BSN: variants seen among roughly 807,000 people sequenced by gnomAD.
BSN encodes the protein protein bassoon.
A neutral mutation model predicts 264.8 loss-of-function variants in BSN; 57 were observed. The observed-to-expected ratio is 0.22, with a 90% confidence interval of 0.17 to 0.27. The LOEUF is 0.27. Ranked by LOEUF, BSN falls within the 10% of genes least tolerant of loss-of-function variation. The probability of loss-of-function intolerance (pLI) is 1.00; values close to 1 mark genes in which losing one functional copy is unlikely to be tolerated. For missense variants in BSN, 4,615 were observed against 5,232.5 expected, an observed-to-expected ratio of 0.88 and a Z score of 3.64; for synonymous variants, 2,059 against 2,137.3, an observed-to-expected ratio of 0.96 and a Z score of 1.01.
At chr3:49,573,656 G>GTTTTTTTTTTTTTTTTTTTTTT (rs765415502) in intron 1 of BSN, among the ~76,000 whole-genome samples, 2 of 144,024 alleles carry the variant, frequency 1.4e-5, no homozygotes, top group African/African-American at 2.6e-5. Context: ...CTTTCTCTCT[G>GTTTTTTTTTTTTTTTTTTTTTT]GTTTTTTTTT....
At position 49,585,461 on chromosome 3, in the gene BSN, G is replaced by C. The variant is rs1023407386; in HGVS notation, c.224+30635G>C. Among the ~76,000 whole-genome samples, 2 of 152,134 alleles carry C rather than the reference G, an allele frequency of 1.3e-5. No individual in the cohort carries two copies. The highest frequency in any genetic ancestry group is 2.4e-5 in the African/African-American group (1 of 41,414). On this transcript the variant is annotated intron_variant, in intron 1 of 11. Transcript: ENST00000296452. This position sits in a 1 kb window ranked among gnomAD's most constrained non-coding sequence, Gnocchi z 4.7. ...AGCGGACAGACAGGGATTGGGTTTC[G>C]TGTGCCTGCCACACCAGGCAGGCTC...
chr3:49,662,356 A>C lies in BSN; in HGVS notation c.10511A>C (p.Glu3504Ala). 6.2e-7 allele frequency: 1 copy of C among 1,613,420 alleles called. No homozygotes were observed. Among genetic ancestry groups the C allele is most frequent in the Non-Finnish European group, 8.5e-7 (1 of 1,179,716 alleles). The change falls in exon 6 of 12, where the codon GAG (glutamate) becomes GCG (alanine). Residue 3504 changes from glutamate (E) to alanine (A), a missense_variant. Transcript: ENST00000296452. ...RPPMRSQASEEESPVSPLGRP... is the reference protein window; with the variant it reads ...RPPMRSQASEAESPVSPLGRP... ...CCCATGCGGAGCCAGGCCTCTGAAG[A>C]GGAGAGCCCCGTCAGTCCTTTGGGG...
Position 49,654,371 on chromosome 3 carries a change from G to T in BSN, c.4815G>T (p.Leu1605=), listed in dbSNP as rs778338410. ...CAACACCTCCGAGTGTGTCTCAGCT[G>T]CCCCCAGAGCCACCTGGGCCACCTG... ...SQTTPPSVSQ[L]PPEPPGPPGF... is the part of the protein sequence containing the mutation. The change falls in exon 5 of 12, where the codon CTG becomes CTT. Residue 1605 remains leucine, a synonymous_variant. Coordinates refer to ENST00000296452, the MANE Select transcript of BSN (RefSeq NM_003458.4). This position sits in a 1 kb window ranked among gnomAD's most constrained non-coding sequence, Gnocchi z 4.1. 1.2e-5 allele frequency: 19 copies of T among 1,609,186 alleles called. No individual in the cohort carries two copies. In the East Asian group the frequency reaches 3.8e-4, roughly 32 times the overall value.
intron 1 of BSN, among the ~76,000 whole-genome samples, chr3:49,591,258 T>C (rs186750701): frequency 6.6e-6 from 1 of 152,314 alleles, no homozygotes. Context: ...GTCAAACATA[T>C]TACACTTCTA....
chr3:49,639,042 C>G (rs1251038168), intron 2 of BSN, among the ~76,000 whole-genome samples: 3 of 152,132 alleles, frequency 2.0e-5, no homozygotes, highest in Non-Finnish European at 4.4e-5. Context: ...ATGGCCTGCT[C>G]TGGGGAACTC....
intron 1 of BSN, among the ~76,000 whole-genome samples, chr3:49,559,518 T>C (rs2051698181): frequency 6.6e-6 from 1 of 152,242 alleles, no homozygotes; most frequent in Admixed American, 6.5e-5. Flanking sequence ...GATAATGATC[T>C]CTTCTTAAAC....
intron 1 of BSN, among the ~76,000 whole-genome samples, chr3:49,575,837 C>T (rs1185882237): frequency 1.3e-5 from 2 of 151,640 alleles, no homozygotes; most frequent in Non-Finnish European, 2.9e-5. Flanking sequence ...CTTTTCTGGG[C>T]ATATTTCTAG....
At chr3:49,605,826 AATAG>A (rs1466288661) in intron 1 of BSN, among the ~76,000 whole-genome samples, 13 of 84,158 alleles carry the variant, frequency 1.5e-4, no homozygotes, top group Admixed American at 2.3e-4. Context: ...ATTTTGTATA[AATAG>A]ATATAAATAT....
intron 1 of BSN, among the ~76,000 whole-genome samples, chr3:49,555,846 CT>C (rs1399591734): frequency 1.8e-4 from 27 of 152,346 alleles, no homozygotes; most frequent in African/African-American, 6.0e-4. Context: ...GTTGCCCTGG[CT>C]TTTCTGTGTG....
At chr3:49,603,951 G>A (rs2052091479) in intron 1 of BSN, among the ~76,000 whole-genome samples, 1 of 152,016 alleles carries the variant, frequency 6.6e-6, no homozygotes, top group South Asian at 2.1e-4. Flanking sequence ...ATCCTTTTGT[G>A]CCTGGCTTCT....
intron 1 of BSN, among the ~76,000 whole-genome samples, chr3:49,606,657 T>C (rs1406171699): frequency 3.3e-5 from 5 of 151,946 alleles, no homozygotes; most frequent in Non-Finnish European, 7.4e-5. Flanking sequence ...CTGGCCACCA[T>C]TGGAGCCCTG....
rs1433510721 is a variant in BSN at position 49,669,684 on chromosome 3, TGTG to T, written c.*2203_*2205del. The T allele has an allele frequency of 1.3e-5, 2 of 152,260 alleles. No individual in the cohort carries two copies. Among genetic ancestry groups the T allele is most frequent in the African/African-American group, 2.4e-5 (1 of 41,456 alleles). The allele number at this position is 152,260 out of a possible 1,614,324, so 9.4% of individuals were successfully genotyped here. ...CAGGAAGAGCTGGGCCTTTGGCACTTGTGGTGAGAACAGTTGACAGTGGTCATC... is the reference window on the plus strand; with the variant it reads ...CAGGAAGAGCTGGGCCTTTGGCACTTGTGAGAACAGTTGACAGTGGTCATC... On this transcript the variant is annotated 3_prime_UTR_variant, in exon 12 of 12. Transcript: ENST00000296452.
downstream of BSN, among the ~76,000 whole-genome samples, chr3:49,673,006 C>T (rs1302381951): frequency 4.8e-5 from 7 of 145,220 alleles, no homozygotes; most frequent in South Asian, 2.2e-4. Context: ...GTCTCGATCT[C>T]CTGACCTCGT....
chr3:49,619,688 A>G (rs1394062924), intron 1 of BSN, among the ~76,000 whole-genome samples: 2 of 152,206 alleles, frequency 1.3e-5, no homozygotes, highest in Non-Finnish European at 2.9e-5. Flanking sequence ...AGAGCCTTCT[A>G]TGGTACGGCT....
chr3:49,563,436 T>C (rs1295905519), intron 1 of BSN, among the ~76,000 whole-genome samples: 1 of 152,220 alleles, frequency 6.6e-6, no homozygotes, highest in Non-Finnish European at 1.5e-5. Flanking sequence ...TGGGCCATGA[T>C]TTCCAGGGGA....
Position 49,654,080 on chromosome 3 carries a change from G to C in BSN, c.4524G>C (p.Thr1508=). The C allele has an allele frequency of 8.1e-6, 13 of 1,613,748 alleles. No individual in the cohort carries two copies. Among genetic ancestry groups the C allele is most frequent in the Non-Finnish European group, 9.3e-6 (11 of 1,179,986 alleles). The change falls in exon 5 of 12, where the codon ACG becomes ACC. Residue 1508 remains threonine (T), a synonymous_variant. Transcript: ENST00000296452. The surrounding 1 kb of genome is among the most constrained non-coding windows in gnomAD (Gnocchi z 4.1). ...PRATAEFSTQ[T]PSPAPASDMP... is the part of the protein sequence containing the mutation. ...CCACAGCAGAGTTCTCTACACAGAC[G>C]CCAAGTCCAGCCCCTGCCTCAGACA...
rs1205961439 is a variant in BSN, at chr3:49,652,128, G to A, written c.2572G>A (p.Glu858Lys). 4 of 1,613,788 alleles carry A rather than the reference G, an allele frequency of 2.5e-6. No homozygotes were observed. Among genetic ancestry groups the A allele is most frequent in the Non-Finnish European group, 2.5e-6 (3 of 1,179,846 alleles). Residue 858 changes from glutamate to lysine, a missense_variant, in exon 5 of 12, where the codon GAG (glutamate) becomes AAG (lysine). Glu to Lys is a moderately conservative substitution (Grantham distance 56, BLOSUM62 1). This residue lies in a region of BSN where 1,197 missense variants were observed against 1,348.0 expected (regional missense o/e 0.89). Transcript: ENST00000296452. The part of the protein sequence containing the change: ...LEMSAEEDNL[E>K]EDDTATSGRG... ...GATGAGCGCCGAGGAAGACAACCTG[G>A]AGGAGGATGACACTGCCACCTCCGG...
chr3:49,596,933 G>T (rs2052028291), intron 1 of BSN, among the ~76,000 whole-genome samples: 2 of 151,946 alleles, frequency 1.3e-5, no homozygotes, highest in African/African-American at 4.8e-5. Flanking sequence ...TTATATCGTT[G>T]ATGCGGTGGT....
Position 49,658,781 on chromosome 3 carries a change from G to T in BSN, c.8640+585G>T, listed in dbSNP as rs544602910. 4.6e-5 allele frequency among the ~76,000 whole-genome samples: 7 copies of T among 152,270 alleles called. No homozygotes were observed. In the East Asian group the frequency reaches 1.4e-3, roughly 29 times the overall value. On this transcript the variant is annotated intron_variant, in intron 5 of 11. Coordinates refer to ENST00000296452, the MANE Select transcript of BSN (RefSeq NM_003458.4). Reference sequence around the variant, plus strand: ...GGTAAATCTGTTTACACATCTGTCTGCTCCCCTAGATAGGGGATTCAGAAG... The same window carrying T: ...GGTAAATCTGTTTACACATCTGTCTTCTCCCCTAGATAGGGGATTCAGAAG...
Sources: allele counts gnomAD v4.1 joint callset (sites outside exome capture counted in the v4.1 genomes callset), GRCh38; gene constraint gnomAD v4.1.1; regional missense constraint gnomAD v4.1.1; non-coding constraint Gnocchi (gnomAD v3.1); transcripts MANE v1.5; gene names NCBI Gene and HGNC (gene_info 2026-07-23, HGNC 2026-07-21).